The following KIAA1328 variants were observed in gnomAD, a reference collection of about 807,000 sequenced individuals.
The protein encoded by KIAA1328 is protein hinderin.
KIAA1328 carries 52 observed loss-of-function variants against 68.1 expected under a neutral mutation model. The observed-to-expected ratio is 0.76, with a 90% CI of 0.61 to 0.96. The LOEUF (loss-of-function observed/expected upper bound fraction) is 0.96. Ranked by LOEUF, KIAA1328 falls within the 40% of genes least tolerant of loss-of-function variation. The pLI, the probability that KIAA1328 is intolerant of heterozygous loss-of-function variation, is 0.00. For missense variants in KIAA1328, 641 were observed against 677.6 expected (o/e 0.95, Z 0.60); for synonymous variants, 232 against 239.4 (o/e 0.97, Z 0.28).
intron 7 of KIAA1328, among the ~76,000 whole-genome samples, chr18:37,069,334 A>T (rs2056452057): frequency 6.8e-6 from 1 of 147,794 alleles, no homozygotes. Flanking sequence ...ATCTTAGCCC[A>T]CTACAACCTC....
intron 5 of KIAA1328, among the ~76,000 whole-genome samples, chr18:36,910,498 A>T (rs924177383): frequency 1.3e-5 from 2 of 152,174 alleles, no homozygotes; most frequent in African/African-American, 4.8e-5. Flanking sequence ...TTTTGGTACC[A>T]GTACCATGCT....
chr18:37,071,050 T>G (rs2056508531), intron 7 of KIAA1328, among the ~76,000 whole-genome samples: 1 of 148,364 alleles, frequency 6.7e-6, no homozygotes, highest in African/African-American at 2.5e-5. Flanking sequence ...TTTTGATTTT[T>G]TTCTTCCTTT....
intron 8 of KIAA1328, among the ~76,000 whole-genome samples, chr18:37,166,885 C>G (rs1296959881): frequency 2.0e-5 from 3 of 152,096 alleles, no homozygotes; most frequent in Non-Finnish European, 4.4e-5. Flanking sequence ...AATAGAAGAT[C>G]TAAATAGACC....
chr18:37,016,750 GAGA>G (rs1304482852), intron 6 of KIAA1328, among the ~76,000 whole-genome samples: 3 of 152,108 alleles, frequency 2.0e-5, no homozygotes, highest in Non-Finnish European at 2.9e-5. Flanking sequence ...TAGTTTATGT[GAGA>G]AGAAGTGTTC....
At chr18:36,871,231 A>C (rs1362033569) in intron 4 of KIAA1328, among the ~76,000 whole-genome samples, 1 of 152,228 alleles carries the variant, frequency 6.6e-6, no homozygotes, top group Non-Finnish European at 1.5e-5. Context: ...AGAGTAACTC[A>C]ACTCCTACAC....
chr18:36,888,111 T>C (rs1342370257), intron 5 of KIAA1328, among the ~76,000 whole-genome samples: 1 of 152,198 alleles, frequency 6.6e-6, no homozygotes, highest in Non-Finnish European at 1.5e-5. Flanking sequence ...AGGCTAAATA[T>C]TATGATACCT....
intron 9 of KIAA1328, among the ~76,000 whole-genome samples, chr18:37,182,054 C>T (rs962474): frequency 0.25 from 38,267 of 151,926 alleles, 7,261 homozygotes; most frequent in African/African-American, 0.54. Flanking sequence ...CTTGTTGTGT[C>T]TTCTCCAGGG....
intron 5 of KIAA1328, among the ~76,000 whole-genome samples, chr18:36,930,081 C>G (rs766895800): frequency 4.6e-5 from 7 of 152,066 alleles, no homozygotes; most frequent in Non-Finnish European, 7.3e-5. Flanking sequence ...TGGTAGAGAC[C>G]TGTGAGAAAG....
chr18:37,104,353 T>G (rs1178181565), intron 7 of KIAA1328, among the ~76,000 whole-genome samples: 4 of 152,118 alleles, frequency 2.6e-5, no homozygotes, highest in Admixed American at 2.0e-4. Flanking sequence ...TGAAAATGAG[T>G]CATTTGCAGC....
chr18:36,840,021 T>A lies in KIAA1328; in HGVS notation c.238-4187T>A, dbSNP rs117776795. ...CTCCTATGCAGCTCTATCCTTGGCA[T>A]TACTTTGCCCTGCAAGGTTTCTAGT... is the stretch of plus-strand genomic sequence containing the variant. On this transcript the variant is annotated intron_variant, in intron 3 of 9. Coordinates refer to ENST00000280020, the MANE Select transcript of KIAA1328 (RefSeq NM_020776.3). Among the ~76,000 whole-genome samples, 22 of 152,292 alleles carry A rather than the reference T, an allele frequency of 1.4e-4. No individual in the cohort carries two copies. The East Asian group carries it at 4.1e-3, about 28-fold the overall frequency.
intron 7 of KIAA1328, among the ~76,000 whole-genome samples, chr18:37,148,893 A>G (rs2058966485): frequency 6.6e-6 from 1 of 152,134 alleles, no homozygotes; most frequent in Non-Finnish European, 1.5e-5. Context: ...GATAGATTGC[A>G]AAAATTTTAC....
Position 37,054,936 on chromosome 18 carries a change from C to G in KIAA1328, c.577-11954C>G, listed in dbSNP as rs142638939. 2.2e-4 allele frequency among the ~76,000 whole-genome samples: 34 copies of G among 152,254 alleles called. No individual in the cohort carries two copies. The East Asian group carries it at 3.9e-3, about 17-fold the overall frequency. ...ACATTTGGTAGGTGTTACTAGTGTT[C>G]TATTCTGTTATTTACACTTTATTGT... is the stretch of plus-strand genomic sequence containing the variant. On this transcript the variant is annotated intron_variant, in intron 6 of 9. Coordinates refer to ENST00000280020, the MANE Select transcript of KIAA1328 (RefSeq NM_020776.3).
chr18:37,003,382 C>CTGT lies in KIAA1328; in HGVS notation c.576+43947_576+43948insTGT, dbSNP rs2053660295. On this transcript the variant is annotated intron_variant, in intron 6 of 9. Transcript: ENST00000280020. The stretch of plus-strand genomic sequence containing the variant: ...ACCTGCACGGCACTAAAGAAGTAAT[C>CTGT]AACAGAGTAATCAGACAACCTGTTG... Among the ~76,000 whole-genome samples, 3 of 152,146 alleles carry CTGT rather than the reference C, an allele frequency of 2.0e-5. No individual in the cohort carries two copies. The East Asian group carries it at 5.8e-4, about 29-fold the overall frequency.
At chr18:36,849,172 C>G (rs1377892572) in intron 4 of KIAA1328, among the ~76,000 whole-genome samples, 1 of 151,894 alleles carries the variant, frequency 6.6e-6, no homozygotes, top group Non-Finnish European at 1.5e-5. Flanking sequence ...GTGCATTAAA[C>G]AACTCCTCAT....
chr18:36,918,803 T>A lies in KIAA1328; in HGVS notation c.448+33131T>A, dbSNP rs142840581. Among the ~76,000 whole-genome samples, 762 of 152,314 alleles carry A rather than the reference T, an allele frequency of 5.0e-3. 2 individuals are homozygous for A. The highest frequency in any genetic ancestry group is 0.018 in the African/African-American group (738 of 41,568). ...TCTCACAAATTATGAAGTACTATAT[T>A]TGCATTATCATTCAGTTTAAATTAT... On this transcript the variant is annotated intron_variant, in intron 5 of 9. Coordinates refer to ENST00000280020, the MANE Select transcript of KIAA1328 (RefSeq NM_020776.3).
chr18:37,060,945 G>C (rs1268837029), intron 6 of KIAA1328, among the ~76,000 whole-genome samples: 1 of 152,126 alleles, frequency 6.6e-6, no homozygotes, highest in Non-Finnish European at 1.5e-5. Flanking sequence ...GTGAAACCGT[G>C]TCTCTACTAA....
intron 7 of KIAA1328, among the ~76,000 whole-genome samples, chr18:37,156,451 A>C (rs2154210668): frequency 1.3e-5 from 2 of 150,912 alleles, no homozygotes; most frequent in South Asian, 4.2e-4. Flanking sequence ...AAAAAAAAAA[A>C]AGAATGGGAA....
chr18:36,857,718 T>G (rs1254580256), intron 4 of KIAA1328, among the ~76,000 whole-genome samples: 1 of 152,250 alleles, frequency 6.6e-6, no homozygotes, highest in Non-Finnish European at 1.5e-5. Context: ...AACAGTCACT[T>G]CAGTGAAGAG....
intron 4 of KIAA1328, among the ~76,000 whole-genome samples, chr18:36,879,783 G>A (rs1211279262): frequency 6.6e-6 from 1 of 152,160 alleles, no homozygotes; most frequent in Non-Finnish European, 1.5e-5. Flanking sequence ...GCGTTGTGGT[G>A]GGTTCCACAC....
Sources: allele counts gnomAD v4.1 joint callset (sites outside exome capture counted in the v4.1 genomes callset), GRCh38; gene constraint gnomAD v4.1.1; transcripts MANE v1.5; gene names NCBI Gene and HGNC (gene_info 2026-07-23, HGNC 2026-07-21).